The following RAPGEF1 variants were observed in gnomAD, a reference collection of about 807,000 sequenced individuals.
The protein encoded by RAPGEF1 is CRK SH3-binding GNRP.
RAPGEF1 carries 33 observed loss-of-function variants against 143.3 expected under a neutral mutation model. The observed-to-expected ratio is 0.23, with a 90% CI of 0.17 to 0.31. The LOEUF is 0.31. RAPGEF1 is among the 10% of genes least tolerant of loss of function. The pLI is 1.00. For synonymous variants in RAPGEF1, 629 were observed against 676.5 expected (o/e 0.93, Z 1.09); for missense variants, 1,199 against 1,645.4 (o/e 0.73, Z 4.69).
At chr9:131,737,578 C>A (rs7034382) in intron 1 of RAPGEF1, 430,126 of 1,537,716 alleles carry the variant, frequency 0.28, 61,464 homozygotes, top group Non-Finnish European at 0.29. Context: ...GGCCTCAGGT[C>A]TTTCTCCCAA....
intron 3 of RAPGEF1, among the ~76,000 whole-genome samples, chr9:131,646,095 C>A (rs987583382): frequency 1.1e-4 from 16 of 152,294 alleles, no homozygotes; most frequent in Admixed American, 7.8e-4. Flanking sequence ...TCGTAGCTAC[C>A]ACTCATCGGG....
intron 1 of RAPGEF1, among the ~76,000 whole-genome samples, chr9:131,720,723 C>T (rs1266558279): frequency 1.3e-5 from 2 of 152,118 alleles, no homozygotes; most frequent in Non-Finnish European, 2.9e-5. Context: ...CCTCCTCCCA[C>T]AGTATATCAC....
At chr9:131,684,160 G>A (rs936140657) in intron 1 of RAPGEF1, among the ~76,000 whole-genome samples, 6 of 152,216 alleles carry the variant, frequency 3.9e-5, no homozygotes, top group Non-Finnish European at 8.8e-5. Flanking sequence ...TCTTTTACAG[G>A]AGGAGTTAAC....
Position 131,739,899 on chromosome 9 carries a change from G to A in RAPGEF1, c.-69C>T. On this transcript the variant is annotated 5_prime_UTR_variant, in exon 1 of 27. Transcript: ENST00000683357. Reference sequence around the variant, plus strand: ...CCGCCGCTCGCCTCGGCCCTGGCTCGCCACGCCTCAGACCCGCGCCGGCAT... The same window carrying A: ...CCGCCGCTCGCCTCGGCCCTGGCTCACCACGCCTCAGACCCGCGCCGGCAT... 1.1e-6 allele frequency: 1 copy of A among 912,092 alleles called. No homozygotes were observed. Among genetic ancestry groups the A allele is most frequent in the Non-Finnish European group, 1.3e-6 (1 of 765,314 alleles). The allele number at this position is 912,092 out of a possible 1,614,324, so 56.5% of individuals were successfully genotyped here. A position where few individuals can be genotyped will look rare whatever the true frequency, so the allele number is the denominator to read the frequency against.
chr9:131,649,939 T>C (rs1187073540), intron 3 of RAPGEF1, among the ~76,000 whole-genome samples, 190 bp downstream of exon 3: 1 of 152,198 alleles, frequency 6.6e-6, no homozygotes, highest in African/African-American at 2.4e-5. Context: ...CCAAAGATCA[T>C]GGGACCTTGC....
At chr9:131,699,306 G>A (rs533831994) in intron 1 of RAPGEF1, among the ~76,000 whole-genome samples, 2 of 149,342 alleles carry the variant, frequency 1.3e-5, no homozygotes, top group Non-Finnish European at 3.0e-5. Context: ...GTGCAATGGC[G>A]TGATCTTGGC....
Position 131,626,025 on chromosome 9 carries a change from T to A in RAPGEF1, c.1599A>T (p.Gly533=). 6.2e-7 allele frequency: 1 copy of A among 1,612,168 alleles called. No individual in the cohort carries two copies. Among genetic ancestry groups the A allele is most frequent in the Non-Finnish European group, 8.5e-7 (1 of 1,178,372 alleles). ...CAAATTCGACAGGGGCTGAGGAACC[T>A]CCATGCTGAAAGGGCAGAATAGCAG... ...PFAAILPFQH[G]GSSAPVEFVG... The change falls in exon 10 of 27, where the codon GGA becomes GGT. Residue 533 remains glycine (G), a synonymous_variant. Coordinates refer to ENST00000683357, the MANE Select transcript of RAPGEF1 (RefSeq NM_001377935.1).
intron 1 of RAPGEF1, among the ~76,000 whole-genome samples, chr9:131,677,701 C>A (rs768095170): frequency 1.3e-5 from 2 of 152,224 alleles, no homozygotes; most frequent in South Asian, 4.1e-4. Context: ...TCCTCCCTTA[C>A]GCTTAAGGGT....
At chr9:131,618,413 GCTCA>G (rs1173546018) in intron 12 of RAPGEF1, among the ~76,000 whole-genome samples, 9 of 152,306 alleles carry the variant, frequency 5.9e-5, no homozygotes, top group Admixed American at 3.9e-4. Flanking sequence ...AGTGACAAAT[GCTCA>G]CTATTATTTT....
chr9:131,595,093 T>C (rs1234964752), intron 17 of RAPGEF1, among the ~76,000 whole-genome samples: 1 of 152,142 alleles, frequency 6.6e-6, no homozygotes, highest in Non-Finnish European at 1.5e-5. Flanking sequence ...CCTCACGTAA[T>C]CCACACAACA....
intron 1 of RAPGEF1, among the ~76,000 whole-genome samples, chr9:131,731,644 T>C (rs1450253430): frequency 6.6e-6 from 1 of 152,190 alleles, no homozygotes; most frequent in Non-Finnish European, 1.5e-5. Context: ...GTGGCACAAA[T>C]TTTAAAAGCT....
At chr9:131,729,921 G>A (rs921666167) in intron 1 of RAPGEF1, among the ~76,000 whole-genome samples, 7 of 152,164 alleles carry the variant, frequency 4.6e-5, no homozygotes, top group East Asian at 1.9e-4. Context: ...TTGGCTGGGC[G>A]CAGTGGCTCA....
In RAPGEF1 at chr9:131,667,959, C is replaced by G. The variant is rs754241361; in HGVS notation, c.62-17010G>C. Among the ~76,000 whole-genome samples, 1 of 152,146 alleles carries G rather than the reference C, an allele frequency of 6.6e-6. No homozygotes were observed. Among genetic ancestry groups the G allele is most frequent in the Non-Finnish European group, 1.5e-5 (1 of 68,036 alleles). The stretch of plus-strand genomic sequence containing the variant: ...TAAATGTCATCTGTGGCCACCAGAC[C>G]GTTCAAAAATATACTCCTTTTTGGG... On this transcript the variant is annotated intron_variant, in intron 1 of 26. Coordinates refer to ENST00000683357, the MANE Select transcript of RAPGEF1 (RefSeq NM_001377935.1). This position sits in a 1 kb window ranked among gnomAD's most constrained non-coding sequence, Gnocchi z 4.6.
In RAPGEF1 at chr9:131,665,887, T is replaced by C. The variant is rs373737805; in HGVS notation, c.62-14938A>G. 5.3e-5 allele frequency among the ~76,000 whole-genome samples: 8 copies of C among 152,318 alleles called. No individual in the cohort carries two copies. The South Asian group carries it at 1.5e-3, about 28-fold the overall frequency. On this transcript the variant is annotated intron_variant, in intron 1 of 26. Coordinates refer to ENST00000683357, the MANE Select transcript of RAPGEF1 (RefSeq NM_001377935.1). Reference sequence around the variant, plus strand: ...CCATCTATCTACCTTACTGTCTTCTTTTCCAACTTTCAGAATTCAGGGGAC... The same window carrying C: ...CCATCTATCTACCTTACTGTCTTCTCTTCCAACTTTCAGAATTCAGGGGAC...
At chr9:131,708,286 G>C (rs1206436610) in intron 1 of RAPGEF1, among the ~76,000 whole-genome samples, 2 of 152,180 alleles carry the variant, frequency 1.3e-5, no homozygotes, top group Non-Finnish European at 2.9e-5. Flanking sequence ...ACTTCTTCTG[G>C]CAAGAGGAGG....
intron 1 of RAPGEF1, among the ~76,000 whole-genome samples, chr9:131,707,846 A>G (rs756489998): frequency 6.6e-6 from 1 of 152,244 alleles, no homozygotes; most frequent in South Asian, 2.1e-4. Flanking sequence ...ATACTTCAGC[A>G]TGACTATTCA....
intron 1 of RAPGEF1, among the ~76,000 whole-genome samples, chr9:131,724,204 T>C (rs964362534): frequency 3.3e-5 from 5 of 152,198 alleles, no homozygotes; most frequent in Admixed American, 6.5e-5. Context: ...TGACAGTGTA[T>C]TGTTAAGATA....
chr9:131,636,955 G>C (rs1966522560), intron 5 of RAPGEF1, among the ~76,000 whole-genome samples: 3 of 152,346 alleles, frequency 2.0e-5, no homozygotes, highest in South Asian at 4.1e-4. Context: ...GCTGGGCGCA[G>C]TGGCTCACAC....
At chr9:131,647,618 C>A (rs547249944) in intron 3 of RAPGEF1, among the ~76,000 whole-genome samples, 8 of 152,326 alleles carry the variant, frequency 5.3e-5, no homozygotes, top group Admixed American at 1.3e-4. Flanking sequence ...TGGACATAAT[C>A]CTCTAAGTCC....
Sources: gnomAD v4.1 joint callset for allele counts (sites outside exome capture counted in the v4.1 genomes callset) on GRCh38, gnomAD v4.1.1 for gene constraint, Gnocchi (gnomAD v3.1) non-coding constraint, MANE v1.5 for transcripts, NCBI Gene and HGNC (gene_info 2026-07-23, HGNC 2026-07-21) for gene names.